Variants in BPHL observed in about 807,000 individuals in gnomAD.
BPHL encodes biphenyl hydrolase like.
Under a neutral mutation model 31.2 loss-of-function variants are expected in BPHL, and 27 were observed. The observed-to-expected ratio is 0.87, with a 90% CI of 0.64 to 1.19. The LOEUF (loss-of-function observed/expected upper bound fraction) is 1.19, where lower values mean the gene tolerates loss of function less well. Among genes scored for constraint, BPHL ranks in the 50% most tolerant of loss-of-function variants. BPHL has a pLI of 0.00. For synonymous variants in BPHL, 150 were observed against 146.8 expected (o/e 1.02, Z -0.16); for missense variants, 356 against 375.7 (o/e 0.95, Z 0.43).
Position 3,127,284 on chromosome 6 carries a change from A to AT in BPHL, c.255dup (p.Lys86Ter). On this transcript the variant is annotated frameshift_variant, in exon 3 of 7. Coordinates refer to ENST00000380379, the MANE Select transcript of BPHL (RefSeq NM_004332.4). LOFTEE classifies it high-confidence loss of function. ...TTTGGACCTCAGCTCAAGAACCTCA[A>AT]TAAGAAGCTCTTCACGGTGGTCGCC... 6.3e-7 allele frequency: 1 copy of AT among 1,595,984 alleles called. No individual in the cohort carries two copies. The highest frequency in any genetic ancestry group is 8.6e-7 in the Non-Finnish European group (1 of 1,169,126).
Position 3,137,419 on chromosome 6 carries a change from A to T in BPHL, c.590A>T (p.Tyr197Phe), listed in dbSNP as rs534851971. The T allele has an allele frequency of 6.2e-7, 1 of 1,612,940 alleles. No homozygotes were observed. The highest frequency in any genetic ancestry group is 1.6e-4 in the Middle Eastern group (1 of 6,062). ...ACAAGAAAGCCTCTAGAAGCCCTCT[A>T]TGGGTATGACTACTTTGCCAGAACC... ...ERTRKPLEAL[Y>F]GYDYFARTCE... is the part of the protein sequence containing the mutation. Residue 197 changes from tyrosine to phenylalanine, a missense_variant, in exon 5 of 7, where the codon TAT (tyrosine) becomes TTT (phenylalanine). Coordinates refer to ENST00000380379, the MANE Select transcript of BPHL (RefSeq NM_004332.4).
intron 1 of BPHL, among the ~76,000 whole-genome samples, chr6:3,122,323 T>C (rs1761599705): frequency 6.6e-6 from 1 of 152,146 alleles, no homozygotes; most frequent in Non-Finnish European, 1.5e-5. Context: ...AGATGGTGGT[T>C]GATTTCATTG....
chr6:3,137,438 C>T lies in BPHL; in HGVS notation c.609C>T (p.Ala203=). ...LEALYGYDYF[A]RTCEKWVDGI... ...CCCTCTATGGGTATGACTACTTTGCCAGAACCTGTGAAAAGTGGGTGGATG... is the reference window on the plus strand; with the variant it reads ...CCCTCTATGGGTATGACTACTTTGCTAGAACCTGTGAAAAGTGGGTGGATG... Residue 203 remains alanine, a synonymous_variant, in exon 5 of 7, where the codon GCC becomes GCT. Coordinates refer to ENST00000380379, the MANE Select transcript of BPHL (RefSeq NM_004332.4). 1.2e-6 allele frequency: 2 copies of T among 1,612,974 alleles called. No homozygotes were observed. The highest frequency in any genetic ancestry group is 2.2e-5 in the South Asian group (2 of 90,976).
chr6:3,126,973 G>T (rs564675374), intron 2 of BPHL: 101 of 204,574 alleles, frequency 4.9e-4, no homozygotes, highest in Admixed American at 1.6e-3. Context: ...GTTTCACCGT[G>T]TTGCCCAGGC....
In BPHL at chr6:3,137,466, A is replaced by G. The variant is rs1361198439; in HGVS notation, c.637A>G (p.Ile213Val). The G allele has an allele frequency of 3.7e-6, 6 of 1,613,684 alleles. No homozygotes were observed. The highest frequency in any genetic ancestry group is 2.2e-5 in the East Asian group (1 of 44,878). Residue 213 changes from isoleucine (I) to valine (V), a missense_variant, in exon 5 of 7, where the codon ATA (isoleucine) becomes GTA (valine). By Grantham distance (29) the Ile-to-Val change is conservative (BLOSUM62 3). Coordinates refer to ENST00000380379, the MANE Select transcript of BPHL (RefSeq NM_004332.4). The part of the protein sequence containing the change: ...ARTCEKWVDG[I>V]RQFKHLPDGN... Reference sequence around the variant, plus strand: ...AACCTGTGAAAAGTGGGTGGATGGCATAAGACAGTTTAAACATCTCCCAGA... The same window carrying G: ...AACCTGTGAAAAGTGGGTGGATGGCGTAAGACAGTTTAAACATCTCCCAGA...
intron 6 of BPHL, among the ~76,000 whole-genome samples, chr6:3,145,055 G>A (rs1309992897): frequency 2.0e-5 from 3 of 151,404 alleles, no homozygotes; most frequent in African/African-American, 7.3e-5. Context: ...GAATGCTGGT[G>A]TGGGTTGGAG....
rs144070342 is a variant in BPHL, at chr6:3,151,633, A to G, written c.789-855A>G. ...ATTCTGCCCTAATATTGTCCTTTTA[A>G]TGTCTAATTATCATTGTAGACAAAG... is the stretch of plus-strand genomic sequence containing the variant. On this transcript the variant is annotated intron_variant, in intron 6 of 6. Transcript: ENST00000380379. 1.6e-3 allele frequency among the ~76,000 whole-genome samples: 244 copies of G among 152,320 alleles called. 2 individuals carry two copies. The highest frequency in any genetic ancestry group is 5.5e-3 in the African/African-American group (227 of 41,578).
At chr6:3,131,717 C>T (rs1310204688) in intron 4 of BPHL, among the ~76,000 whole-genome samples, 2 of 152,188 alleles carry the variant, frequency 1.3e-5, no homozygotes, top group African/African-American at 2.4e-5. Flanking sequence ...GCCTCTCCCA[C>T]GTGGGATAAA....
rs182524477 is a variant in BPHL at position 3,137,771 on chromosome 6, C to T, written c.664+278C>T. ...TTCCTTCTAATCCTTGGTGTGTGTG[C>T]GATGACAAAATAATTATCCAGAAGC... On this transcript the variant is annotated intron_variant, in intron 5 of 6. Coordinates refer to ENST00000380379, the MANE Select transcript of BPHL (RefSeq NM_004332.4). Among the ~76,000 whole-genome samples the T allele has an allele frequency of 8.5e-5, 13 of 152,116 alleles. 1 individual carries two copies. In the East Asian group the frequency reaches 1.7e-3, roughly 20 times the overall value.
intron 1 of BPHL, among the ~76,000 whole-genome samples, chr6:3,121,500 C>T (rs571620474): frequency 6.6e-6 from 1 of 151,806 alleles, no homozygotes; most frequent in Non-Finnish European, 1.5e-5. Context: ...AGATGGCGTT[C>T]CACCATGTTG....
At chr6:3,131,704 G>A (rs192097421) in intron 4 of BPHL, among the ~76,000 whole-genome samples, 2 of 152,088 alleles carry the variant, frequency 1.3e-5, no homozygotes, top group Admixed American at 6.5e-5. Flanking sequence ...TCATCCTTCC[G>A]GTGCCTCTCC....
rs1761466975 is a variant in BPHL, at chr6:3,118,827, C to T, written c.87C>T (p.Ala29=). 3 of 1,242,672 alleles carry T rather than the reference C, an allele frequency of 2.4e-6. No individual in the cohort carries two copies. Among genetic ancestry groups the T allele is most frequent in the Non-Finnish European group, 3.0e-6 (3 of 991,598 alleles). The allele number at this position is 1,242,672 out of a possible 1,614,324, so 77.0% of individuals were successfully genotyped here. A position where few individuals can be genotyped will look rare whatever the true frequency, so the allele number is the denominator to read the frequency against. The change falls in exon 1 of 7, where the codon GCC becomes GCT. Residue 29 remains alanine, a synonymous_variant. Coordinates refer to ENST00000380379, the MANE Select transcript of BPHL (RefSeq NM_004332.4). ...ALKPGIHVPR[A]GPAAAFGTSV... The stretch of plus-strand genomic sequence containing the variant: ...AGCCCGGGATCCACGTCCCACGGGC[C>T]GGACCCGCGGCCGCGTTCGGGTAAT...
In BPHL at chr6:3,129,689, T is replaced by G. The variant is rs150586015; in HGVS notation, c.532+491T>G. The stretch of plus-strand genomic sequence containing the variant: ...GAGAGAGATGGGGGAGGAAAGAAAA[T>G]AATGTTGAGTGTGGAAAAGAATCAC... On this transcript the variant is annotated intron_variant, in intron 4 of 6. Coordinates refer to ENST00000380379, the MANE Select transcript of BPHL (RefSeq NM_004332.4). 2.1e-4 allele frequency among the ~76,000 whole-genome samples: 32 copies of G among 152,006 alleles called. No individual in the cohort carries two copies. The East Asian group carries it at 6.0e-3, about 29-fold the overall frequency.
At chr6:3,132,019 G>A (rs1175203934) in intron 4 of BPHL, among the ~76,000 whole-genome samples, 1 of 152,206 alleles carries the variant, frequency 6.6e-6, no homozygotes, top group East Asian at 1.9e-4. Context: ...GGAACTCACT[G>A]TGTGCAGTTG....
At chr6:3,135,607 T>A (rs191537122) in intron 4 of BPHL, among the ~76,000 whole-genome samples, 118 of 148,196 alleles carry the variant, frequency 8.0e-4, no homozygotes, top group African/African-American at 3.1e-3. Flanking sequence ...TCTTATTCTC[T>A]TCTTCTGAGA....
chr6:3,133,541 C>A lies in BPHL; in HGVS notation c.533-3821C>A, dbSNP rs371234299. On this transcript the variant is annotated intron_variant, in intron 4 of 6. Transcript: ENST00000380379. ...CTCTGCCTCTCCAGGTCCCCTCCCC[C>A]CACTTTCCCCTCCCAACCACCAGTG... 2.6e-5 allele frequency among the ~76,000 whole-genome samples: 4 copies of A among 152,306 alleles called. No individual in the cohort carries two copies. In the East Asian group the frequency reaches 7.7e-4, roughly 29 times the overall value.
chr6:3,148,793 G>C (rs1411597125), intron 6 of BPHL, among the ~76,000 whole-genome samples: 1 of 152,154 alleles, frequency 6.6e-6, no homozygotes, highest in Non-Finnish European at 1.5e-5. Flanking sequence ...AAAACAGTGT[G>C]GTCTGAACCT....
chr6:3,152,777 A>C lies in BPHL; in HGVS notation c.*202A>C. ...CACGGTGGCTCACAGCTATAATCTC[A>C]GCACTTTGGGAGGCTGAGGTGGGAG... On this transcript the variant is annotated 3_prime_UTR_variant, in exon 7 of 7. Transcript: ENST00000380379. The C allele has an allele frequency of 6.6e-6, 3 of 456,474 alleles. No homozygotes were observed. The highest frequency in any genetic ancestry group is 4.2e-5 in the Admixed American group (1 of 23,888). 28.3% of individuals were successfully genotyped at this position (456,474 alleles called of 1,614,324 possible). A position where few individuals can be genotyped will look rare whatever the true frequency, so the allele number is the denominator to read the frequency against.
intron 2 of BPHL, 40 bp from the exon 3 acceptor site, chr6:3,127,202 G>A: frequency 1.4e-6 from 2 of 1,412,148 alleles, no homozygotes; most frequent in African/African-American, 1.4e-5. Flanking sequence ...GTTTGATAGT[G>A]AAAGCGATCA....
Sources: gnomAD v4.1 joint callset for allele counts (sites outside exome capture counted in the v4.1 genomes callset) on GRCh38, gnomAD v4.1.1 for gene constraint, MANE v1.5 for transcripts, NCBI Gene and HGNC (gene_info 2026-07-23, HGNC 2026-07-21) for gene names.